ARMC9: variants seen among roughly 807,000 people sequenced by gnomAD.
ARMC9 encodes lisH domain-containing protein ARMC9.
ARMC9 carries 94 observed loss-of-function variants against 107.0 expected under a neutral mutation model. The observed-to-expected ratio is 0.88, with a 90% confidence interval of 0.74 to 1.04. The LOEUF (loss-of-function observed/expected upper bound fraction) is 1.04. Ranked by LOEUF, ARMC9 falls within the 50% of genes least tolerant of loss-of-function variation. The probability of loss-of-function intolerance (pLI) is 0.00; values close to 1 mark genes in which losing one functional copy is unlikely to be tolerated. For synonymous variants in ARMC9, 380 were observed against 396.9 expected (o/e 0.96, Z 0.51); for missense variants, 942 against 1,030.1 (o/e 0.91, Z 1.17).
intron 19 of ARMC9, among the ~76,000 whole-genome samples, chr2:231,318,192 C>G (rs1199333187): frequency 1.3e-5 from 2 of 152,064 alleles, no homozygotes; most frequent in Non-Finnish European, 2.9e-5. Context: ...TGCTCTTAAA[C>G]TGAGAAATGT....
intron 20 of ARMC9, among the ~76,000 whole-genome samples, chr2:231,342,967 G>A (rs1041163682): frequency 6.6e-6 from 1 of 152,004 alleles, no homozygotes; most frequent in African/African-American, 2.4e-5. Context: ...AGGCTGGAGT[G>A]CAATGGTGCC....
At chr2:231,326,769 C>T (rs1411038962) in intron 19 of ARMC9, among the ~76,000 whole-genome samples, 1 of 152,188 alleles carries the variant, frequency 6.6e-6, no homozygotes, top group Non-Finnish European at 1.5e-5. Context: ...ATCAAACTCA[C>T]CAAAGACCAG....
intron 19 of ARMC9, among the ~76,000 whole-genome samples, chr2:231,324,780 A>G (rs6437012): frequency 0.027 from 4,064 of 152,016 alleles, 177 homozygotes; most frequent in African/African-American, 0.094. Flanking sequence ...AATAAATAAA[A>G]TAAACCAAAA....
rs2041351434 is a variant in ARMC9 at position 231,296,181 on chromosome 2, T to A, written c.1718-17T>A. The A allele has an allele frequency of 7.5e-6, 12 of 1,601,646 alleles. No individual in the cohort carries two copies. The highest frequency in any genetic ancestry group is 1.3e-5 in the African/African-American group (1 of 74,404). On this transcript the variant is annotated splice_polypyrimidine_tract_variant and intron_variant, in intron 18 of 24. Transcript: ENST00000611582. ...CACTGTTTATCCATTATTCATTGATTCTTTTTTTCTTTATAGAAGAGCTAC... is the reference window on the plus strand; with the variant it reads ...CACTGTTTATCCATTATTCATTGATACTTTTTTTCTTTATAGAAGAGCTAC...
At chr2:231,242,360 C>G (rs762502419) in intron 9 of ARMC9, among the ~76,000 whole-genome samples, 2 of 152,150 alleles carry the variant, frequency 1.3e-5, no homozygotes, top group Non-Finnish European at 2.9e-5. Flanking sequence ...GTTCCACACA[C>G]GTGGACAGAC....
Position 231,259,018 on chromosome 2 carries a change from C to T in ARMC9, c.942C>T (p.Pro314=). 1 of 1,613,956 alleles carries T rather than the reference C, an allele frequency of 6.2e-7. No individual in the cohort carries two copies. Among genetic ancestry groups the T allele is most frequent in the Non-Finnish European group, 8.5e-7 (1 of 1,179,856 alleles). ...AATTGAAGGATGTCCCATTACTGCC[C>T]TCCTTGGATTATGAGAAACTGAAGA... The part of the protein sequence containing the change: ...PVKLKDVPLL[P]SLDYEKLKKD... Residue 314 remains proline (P), a synonymous_variant, in exon 11 of 25, where the codon CCC becomes CCT. Coordinates refer to ENST00000611582, the MANE Select transcript of ARMC9 (RefSeq NM_001352754.2).
chr2:231,307,172 G>A (rs1166481868), intron 19 of ARMC9, among the ~76,000 whole-genome samples: 2 of 152,346 alleles, frequency 1.3e-5, no homozygotes, highest in Admixed American at 6.5e-5. Flanking sequence ...GCAGGGGCGT[G>A]CCACACCACA....
Position 231,345,089 on chromosome 2 carries a change from G to C in ARMC9, c.1993G>C (p.Val665Leu), listed in dbSNP as rs763995188. The C allele has an allele frequency of 2.5e-6, 4 of 1,613,370 alleles. No individual in the cohort carries two copies. Among genetic ancestry groups the C allele is most frequent in the Non-Finnish European group, 3.4e-6 (4 of 1,179,820 alleles). Residue 665 changes from valine (V) to leucine (L), a missense_variant and splice_region_variant, in exon 21 of 25, where the codon GTG becomes CTG. Val to Leu is a conservative substitution (Grantham distance 32, BLOSUM62 1). Coordinates refer to ENST00000611582, the MANE Select transcript of ARMC9 (RefSeq NM_001352754.2). ...CGGCGGCCACAGAAACGGGTACCCAGTGTAAGTCAGGGCTAAAGGAAGCGG... is the reference window on the plus strand; with the variant it reads ...CGGCGGCCACAGAAACGGGTACCCACTGTAAGTCAGGGCTAAAGGAAGCGG... ...TPGGHRNGYP[V>L]VEDQHTPPQT...
At position 231,211,293 on chromosome 2, in the gene ARMC9, G is replaced by A. The variant is rs2032824273; in HGVS notation, c.177+3041G>A. ...CCCAGCACTTTGGGAGGCCGAGGTG[G>A]GCAGATCACCTGAGGTCAGGAGTTC... On this transcript the variant is annotated intron_variant, in intron 3 of 24. Transcript: ENST00000611582. Among the ~76,000 whole-genome samples, 3 of 151,872 alleles carry A rather than the reference G, an allele frequency of 2.0e-5. No individual in the cohort carries two copies. In the South Asian group the frequency reaches 6.2e-4, roughly 32 times the overall value.
intron 12 of ARMC9, among the ~76,000 whole-genome samples, chr2:231,267,660 C>A (rs192525016): frequency 2.6e-5 from 4 of 152,154 alleles, no homozygotes; most frequent in Admixed American, 6.5e-5. Flanking sequence ...AAAAACTGTT[C>A]GCAGCTAATC....
At chr2:231,234,042 G>A (rs796955362) in intron 7 of ARMC9, among the ~76,000 whole-genome samples, 63 of 152,294 alleles carry the variant, frequency 4.1e-4, no homozygotes, top group African/African-American at 1.4e-3. Flanking sequence ...AGGTAATAGA[G>A]TAGGGATTTG....
chr2:231,228,367 C>G (rs190249840), intron 7 of ARMC9, among the ~76,000 whole-genome samples: 1 of 152,192 alleles, frequency 6.6e-6, no homozygotes, highest in Admixed American at 6.5e-5. Context: ...TGCAGTCAGG[C>G]GGAGCGGCCT....
At chr2:231,339,078 C>T (rs1009991645) in intron 20 of ARMC9, among the ~76,000 whole-genome samples, 4 of 152,052 alleles carry the variant, frequency 2.6e-5, no homozygotes, top group African/African-American at 9.7e-5. Flanking sequence ...GCCTGTAATC[C>T]CAGCACTTTG....
chr2:231,371,183 AG>A, intron 24 of ARMC9: 1 of 570,930 alleles, frequency 1.8e-6, no homozygotes. Context: ...TGACACCAGC[AG>A]CTGGTGGCTG....
At chr2:231,324,123 C>CTTTTTTTTTTTTTT (rs71296842) in intron 19 of ARMC9, among the ~76,000 whole-genome samples, 13 of 89,256 alleles carry the variant, frequency 1.5e-4, no homozygotes, top group Non-Finnish European at 2.2e-4. Flanking sequence ...TTGTAAAGTA[C>CTTTTTTTTTTTTTT]TTTTTTTTTT....
rs2045323460 is a variant in ARMC9, at chr2:231,355,848, G to A, written c.2045G>A (p.Gly682Asp). Residue 682 changes from glycine to aspartate, a missense_variant, in exon 22 of 25, where the codon GGC becomes GAC. Coordinates refer to ENST00000611582, the MANE Select transcript of ARMC9 (RefSeq NM_001352754.2). ...PPQTAQHARNGHPQALPAAHE... is the reference protein window; with the variant it reads ...PPQTAQHARNDHPQALPAAHE... ...CAGACAGCCCAGCACGCCAGAAACG[G>A]CCACCCGCAGGCCCTGCCAGCCGCT... The A allele has an allele frequency of 6.5e-7, 1 of 1,536,004 alleles. No homozygotes were observed. The highest frequency in any genetic ancestry group is 8.7e-7 in the Non-Finnish European group (1 of 1,146,912).
At chr2:231,281,060 A>C (rs2040181945) in intron 16 of ARMC9, among the ~76,000 whole-genome samples, 1 of 152,218 alleles carries the variant, frequency 6.6e-6, no homozygotes, top group Non-Finnish European at 1.5e-5. Context: ...GAACTTGCTT[A>C]TCAGCACCTG....
At chr2:231,353,978 TATACAC>T (rs1250433887) in intron 21 of ARMC9, among the ~76,000 whole-genome samples, 6 of 138,304 alleles carry the variant, frequency 4.3e-5, no homozygotes, top group East Asian at 3.9e-4. Context: ...TATATGTATA[TATACAC>T]ACACACACAC....
intron 5 of ARMC9, among the ~76,000 whole-genome samples, chr2:231,219,492 G>T (rs111646402): frequency 2.0e-5 from 3 of 152,074 alleles, no homozygotes; most frequent in Non-Finnish European, 4.4e-5. Flanking sequence ...TTCCTAGCTC[G>T]CATTGCTGCT....
Sources: allele counts gnomAD v4.1 joint callset (sites outside exome capture counted in the v4.1 genomes callset), GRCh38; gene constraint gnomAD v4.1.1; transcripts MANE v1.5; gene names NCBI Gene and HGNC (gene_info 2026-07-23, HGNC 2026-07-21).